Variants in CHL1 observed in about 807,000 individuals in gnomAD.
The protein encoded by CHL1 is cell adhesion molecule L1 like.
Under a neutral mutation model 141.9 loss-of-function variants are expected in CHL1, and 96 were observed. The observed-to-expected ratio is 0.68, with a 90% confidence interval of 0.57 to 0.80. The LOEUF is 0.80. Among genes scored for constraint, CHL1 ranks in the 30% least tolerant of loss-of-function variants. The pLI is 0.00. For synonymous variants in CHL1, 613 were observed against 502.2 expected (o/e 1.22, Z -2.95); for missense variants, 1,820 against 1,457.2 (o/e 1.25, Z -4.05).
chr3:350,856 A>G (rs894172041), intron 10 of CHL1, among the ~76,000 whole-genome samples: 1 of 152,210 alleles, frequency 6.6e-6, no homozygotes, highest in African/African-American at 2.4e-5. Flanking sequence ...TTCCTTTGAC[A>G]TTAAATTATT....
At chr3:274,598 C>G (rs1695923461) in intron 2 of CHL1, among the ~76,000 whole-genome samples, 1 of 152,164 alleles carries the variant, frequency 6.6e-6, no homozygotes, top group Non-Finnish European at 1.5e-5. Context: ...TTTTTTTACT[C>G]TAGTGAGCTG....
intron 2 of CHL1, among the ~76,000 whole-genome samples, chr3:262,514 T>C (rs1156428766): frequency 3.6e-5 from 4 of 111,848 alleles, no homozygotes; most frequent in Non-Finnish European, 5.3e-5. Flanking sequence ...CGTTTAAGCC[T>C]AGATCTACAC....
Position 349,457 on chromosome 3 carries a change from T to C in CHL1, c.947T>C (p.Val316Ala). The change falls in exon 10 of 28, where the codon GTC becomes GCC. Residue 316 changes from valine (V) to alanine (A), a missense_variant. Transcript: ENST00000256509. ...GGCAAGACTTTGAAGATAGAGAATG[T>C]CTCCTACCAGGACAAAGGAAATTAT... ...NYGKTLKIEN[V>A]SYQDKGNYRC... 6.2e-7 allele frequency: 1 copy of C among 1,613,956 alleles called. No homozygotes were observed.
At chr3:348,766 C>T (rs1221815059) in intron 9 of CHL1, among the ~76,000 whole-genome samples, 1 of 152,202 alleles carries the variant, frequency 6.6e-6, no homozygotes, top group Non-Finnish European at 1.5e-5. Flanking sequence ...AGGGCGAGAA[C>T]GTGATCCAGG....
intron 1 of CHL1, among the ~76,000 whole-genome samples, chr3:235,578 T>G (rs1176111057): frequency 6.6e-6 from 1 of 152,156 alleles, no homozygotes; most frequent in Non-Finnish European, 1.5e-5. Context: ...GTATCTGAGG[T>G]TACTATCAGA....
chr3:358,381 T>G (rs1703906460), intron 11 of CHL1, among the ~76,000 whole-genome samples: 1 of 152,158 alleles, frequency 6.6e-6, no homozygotes, highest in Non-Finnish European at 1.5e-5. Flanking sequence ...GTGATTACAT[T>G]GAGCCCACTT....
At chr3:315,969 T>C (rs757433418) in intron 2 of CHL1, among the ~76,000 whole-genome samples, 17 of 152,048 alleles carry the variant, frequency 1.1e-4, no homozygotes, top group Non-Finnish European at 1.6e-4. Context: ...CTATATTTTA[T>C]AGACAGGCTT....
At chr3:218,876 C>G (rs546280547) in intron 1 of CHL1, among the ~76,000 whole-genome samples, 234 of 152,248 alleles carry the variant, frequency 1.5e-3, no homozygotes, top group Non-Finnish European at 2.1e-3. Flanking sequence ...GCCGGGCGCA[C>G]TGGCTCACAC....
chr3:364,056 C>T (rs1704566053), intron 14 of CHL1: 1 of 152,158 alleles, frequency 6.6e-6, no homozygotes, highest in African/African-American at 2.4e-5. Flanking sequence ...GTTTGATCAT[C>T]TGTTTTCACT....
chr3:314,285 C>T (rs1214102847), intron 2 of CHL1, among the ~76,000 whole-genome samples: 2 of 140,642 alleles, frequency 1.4e-5, no homozygotes, highest in African/African-American at 5.3e-5. Flanking sequence ...GCATAACCTC[C>T]CCCCAATCTT....
chr3:350,044 A>T (rs74523457), intron 10 of CHL1, among the ~76,000 whole-genome samples: 1,987 of 152,304 alleles, frequency 0.013, 48 homozygotes, highest in African/African-American at 0.046. Context: ...TTTCCTGCAT[A>T]TAACACTTTT....
At chr3:387,700 C>A (rs1020584422) in intron 19 of CHL1, among the ~76,000 whole-genome samples, 4 of 152,170 alleles carry the variant, frequency 2.6e-5, no homozygotes, top group African/African-American at 9.7e-5. Flanking sequence ...AGCCCATGGC[C>A]TAATTCACTG....
chr3:302,065 A>G (rs1232058557), intron 2 of CHL1, among the ~76,000 whole-genome samples: 1 of 152,228 alleles, frequency 6.6e-6, no homozygotes, highest in Non-Finnish European at 1.5e-5. Context: ...ATGTCCCTGC[A>G]AAGGACAAGA....
At chr3:201,081 A>C (rs1377123183) in intron 1 of CHL1, among the ~76,000 whole-genome samples, 1 of 152,224 alleles carries the variant, frequency 6.6e-6, no homozygotes, top group Non-Finnish European at 1.5e-5. Flanking sequence ...GAAAGTCACT[A>C]TAATTTTCCC....
Position 314,329 on chromosome 3 carries a change from GTATATATATA to G in CHL1, c.-94-5322_-94-5313del, listed in dbSNP as rs56292297. Among the ~76,000 whole-genome samples the G allele has an allele frequency of 3.9e-3, 258 of 65,328 alleles. 7 individuals carry two copies. The highest frequency in any genetic ancestry group is 9.8e-3 in the South Asian group (12 of 1,230). 42.9% of individuals were successfully genotyped at this position (65,328 alleles called of 152,430 possible). A position where few individuals can be genotyped will look rare whatever the true frequency, so the allele number is the denominator to read the frequency against. ...TCTCTTTCTCTCTCTCTCTCTATGT[GTATATATATA>G]TATATATATATATATATATATATAT... On this transcript the variant is annotated intron_variant, in intron 2 of 27. Transcript: ENST00000256509.
intron 2 of CHL1, among the ~76,000 whole-genome samples, chr3:318,535 G>GA (rs751649567): frequency 9.9e-5 from 15 of 151,364 alleles, no homozygotes; most frequent in Non-Finnish European, 1.9e-4. Context: ...CAATGTTTCA[G>GA]AAAAAAATTG....
Position 390,822 on chromosome 3 carries a change from T to C in CHL1, c.2586+6T>C. The C allele has an allele frequency of 6.4e-7, 1 of 1,569,778 alleles. No homozygotes were observed. The highest frequency in any genetic ancestry group is 8.8e-7 in the Non-Finnish European group (1 of 1,140,240). ...GACGTCTGAAAGGCTATCAGGTTTT[T>C]ATCATCATGGTTTTTCCTCTTCTTG... is the stretch of plus-strand genomic sequence containing the variant. On this transcript the variant is annotated splice_donor_region_variant and intron_variant, in intron 21 of 27. Coordinates refer to ENST00000256509, the MANE Select transcript of CHL1 (RefSeq NM_006614.4).
chr3:262,570 A>G (rs1694821756), intron 2 of CHL1, among the ~76,000 whole-genome samples: 1 of 151,924 alleles, frequency 6.6e-6, no homozygotes, highest in Non-Finnish European at 1.5e-5. Flanking sequence ...AGATCTACAC[A>G]GTACTCACAG....
At chr3:340,729 A>G (rs949592824) in intron 5 of CHL1, 65 bp from the exon 6 acceptor site, 2 of 1,293,418 alleles carry the variant, frequency 1.5e-6, no homozygotes, top group Non-Finnish European at 2.2e-6. Context: ...GAACATATTA[A>G]GATATTTGTT....
Sources: gnomAD v4.1 joint callset for allele counts (sites outside exome capture counted in the v4.1 genomes callset) on GRCh38, gnomAD v4.1.1 for gene constraint, MANE v1.5 for transcripts, NCBI Gene and HGNC (gene_info 2026-07-23, HGNC 2026-07-21) for gene names.